Variants in EML1 observed in about 807,000 individuals in gnomAD.
The protein encoded by EML1 is EMAP like 1.
Under a neutral mutation model 110.4 loss-of-function variants are expected in EML1, and 27 were observed. The ratio of observed to expected loss-of-function variants is 0.24; its 90% CI spans 0.18 to 0.34. The LOEUF is 0.34. Ranked by LOEUF, EML1 falls within the 10% of genes least tolerant of loss-of-function variation. The probability of loss-of-function intolerance (pLI) is 1.00; values close to 1 mark genes in which losing one functional copy is unlikely to be tolerated. For synonymous variants in EML1, 344 were observed against 385.8 expected (o/e 0.89, Z 1.27); for missense variants, 741 against 1,030.9 (o/e 0.72, Z 3.85).
chr14:99,808,501 T>C (rs1447055084), intron 1 of EML1, among the ~76,000 whole-genome samples: 1 of 152,198 alleles, frequency 6.6e-6, no homozygotes, highest in Non-Finnish European at 1.5e-5. Context: ...AGTCAGAGTG[T>C]AAGAACTTCC....
At chr14:99,822,773 G>A (rs889612035) in intron 1 of EML1, among the ~76,000 whole-genome samples, 2 of 152,160 alleles carry the variant, frequency 1.3e-5, no homozygotes, top group African/African-American at 4.8e-5. Context: ...TGCAGGGGGT[G>A]GCAGTAGAGG....
chr14:99,783,440 C>T (rs1229718579), intron 1 of EML1, among the ~76,000 whole-genome samples: 1 of 150,840 alleles, frequency 6.6e-6, no homozygotes, highest in Non-Finnish European at 1.5e-5. Context: ...GATGGCCATA[C>T]AATTTATCAT....
chr14:99,859,521 CT>C (rs1445293758), intron 2 of EML1, among the ~76,000 whole-genome samples: 3 of 152,162 alleles, frequency 2.0e-5, no homozygotes, highest in Non-Finnish European at 4.4e-5. Flanking sequence ...TGAGCAAAGG[CT>C]TTCCTTTATG....
chr14:99,840,110 C>T (rs144834726), intron 1 of EML1, among the ~76,000 whole-genome samples: 5 of 152,302 alleles, frequency 3.3e-5, no homozygotes, highest in African/African-American at 7.2e-5. Context: ...CCGTGAACAA[C>T]GTATAATATG....
chr14:99,792,019 C>G (rs930572788), upstream of EML1, among the ~76,000 whole-genome samples: 2 of 152,216 alleles, frequency 1.3e-5, no homozygotes, highest in African/African-American at 4.8e-5. Context: ...TGTATCTTCC[C>G]AATTAACAAT....
At chr14:99,832,432 T>C (rs947425075) in intron 1 of EML1, among the ~76,000 whole-genome samples, 1 of 152,140 alleles carries the variant, frequency 6.6e-6, no homozygotes, top group Non-Finnish European at 1.5e-5. Flanking sequence ...CAATAGTGGG[T>C]GTGTGTTTAG....
intron 4 of EML1, chr14:99,886,166 C>T: frequency 4.1e-6 from 1 of 242,204 alleles, no homozygotes; most frequent in Non-Finnish European, 8.2e-6. Flanking sequence ...AACTTTATTT[C>T]ATCACGTGAA....
At chr14:99,769,165 GTCC>G (rs2057397188), upstream of EML1, among the ~76,000 whole-genome samples, 1 of 152,138 alleles carries the variant, frequency 6.6e-6, no homozygotes, top group Non-Finnish European at 1.5e-5. Context: ...TCCCTGTCTG[GTCC>G]TCCTTTCTCA....
intron 2 of EML1, among the ~76,000 whole-genome samples, chr14:99,864,054 A>C (rs1183080318): frequency 1.3e-5 from 2 of 152,220 alleles, no homozygotes; most frequent in African/African-American, 4.8e-5. Context: ...GAAGTATCGC[A>C]TTATTGTTTT....
chr14:99,809,200 C>G (rs1178919302), intron 1 of EML1, among the ~76,000 whole-genome samples: 2 of 152,122 alleles, frequency 1.3e-5, no homozygotes, highest in Non-Finnish European at 2.9e-5. Context: ...TTGTTATGCC[C>G]TGCTTTAAGA....
intron 1 of EML1, among the ~76,000 whole-genome samples, chr14:99,796,628 T>C (rs2057779872): frequency 6.6e-6 from 1 of 151,278 alleles, no homozygotes; most frequent in South Asian, 2.1e-4. Context: ...TAGCTGGGAC[T>C]ACAGGTGCGT....
chr14:99,920,600 C>A (rs1357622155), intron 16 of EML1, among the ~76,000 whole-genome samples, 189 bp from the exon 17 acceptor site: 1 of 152,166 alleles, frequency 6.6e-6, no homozygotes, highest in East Asian at 1.9e-4. Flanking sequence ...TATGCTGTTC[C>A]TTTCATTAGA....
chr14:99,750,708 A>G (rs1300682041), intron 1 of EML1, among the ~76,000 whole-genome samples: 1 of 151,938 alleles, frequency 6.6e-6, no homozygotes, highest in East Asian at 1.9e-4. Context: ...TAAGACAGTC[A>G]CTCAGGAGAA....
At chr14:99,841,853 A>G (rs542840922) in intron 1 of EML1, among the ~76,000 whole-genome samples, 10 of 152,294 alleles carry the variant, frequency 6.6e-5, no homozygotes, top group African/African-American at 2.2e-4. Flanking sequence ...ACCGCCCCAT[A>G]GACGCAGTTA....
chr14:99,890,705 G>A (rs2059571886), intron 4 of EML1, among the ~76,000 whole-genome samples: 2 of 152,150 alleles, frequency 1.3e-5, no homozygotes, highest in Non-Finnish European at 2.9e-5. Flanking sequence ...ACACCCTGGT[G>A]TTCCCCGCTT....
intron 1 of EML1, among the ~76,000 whole-genome samples, chr14:99,819,403 C>T (rs1433141888): frequency 2.0e-5 from 3 of 152,154 alleles, no homozygotes; most frequent in Non-Finnish European, 4.4e-5. Context: ...TTCCTTTTCC[C>T]ACCAGAACAT....
At chr14:99,757,013 C>T (rs2057263489) in intron 1 of EML1, among the ~76,000 whole-genome samples, 1 of 152,216 alleles carries the variant, frequency 6.6e-6, no homozygotes, top group Non-Finnish European at 1.5e-5. Flanking sequence ...TTTGCAGGGC[C>T]AAGTGCAAAA....
At chr14:99,860,643 G>A (rs560640776) in intron 2 of EML1, among the ~76,000 whole-genome samples, 12 of 152,182 alleles carry the variant, frequency 7.9e-5, no homozygotes, top group Non-Finnish European at 1.3e-4. Context: ...CTTAGTAAGC[G>A]TGCTGGTGGT....
rs138782457 is a variant in EML1 at position 99,931,118 on chromosome 14, C to T, written c.1910-4911C>T. Among the ~76,000 whole-genome samples, 245 of 152,336 alleles carry T rather than the reference C, an allele frequency of 1.6e-3. 4 individuals are homozygous for T. Among genetic ancestry groups the T allele is most frequent in the African/African-American group, 5.4e-3 (223 of 41,570 alleles). On this transcript the variant is annotated intron_variant, in intron 17 of 21. Transcript: ENST00000262233. ...CCCTGTCATGTGGCATTCCCCCTCC[C>T]TGGGTTGATCCCCATGCAGATGCAG...
Sources: allele counts gnomAD v4.1 joint callset (sites outside exome capture counted in the v4.1 genomes callset), GRCh38; gene constraint gnomAD v4.1.1; transcripts MANE v1.5; gene names NCBI Gene and HGNC (gene_info 2026-07-23, HGNC 2026-07-21).